SHOC1: variants seen among roughly 807,000 people sequenced by gnomAD.
The protein encoded by SHOC1 is shortage in chiasmata 1.
Under a neutral mutation model 179.2 loss-of-function variants are expected in SHOC1, and 136 were observed. The observed-to-expected ratio is 0.76, with a 90% CI of 0.66 to 0.87. The LOEUF is 0.87. Among genes scored for constraint, SHOC1 ranks in the 40% least tolerant of loss-of-function variants. SHOC1 has a pLI of 0.00. For synonymous variants in SHOC1, 489 were observed against 586.6 expected (o/e 0.83, Z 2.41); for missense variants, 1,538 against 1,700.8 (o/e 0.90, Z 1.68).
intron 10 of SHOC1, among the ~76,000 whole-genome samples, chr9:111,745,383 C>G (rs1024952437): frequency 2.6e-5 from 4 of 152,190 alleles, no homozygotes; most frequent in African/African-American, 7.2e-5. Flanking sequence ...CAATCTGGCT[C>G]TAGTTCAGAG....
At chr9:111,757,523 A>G (rs1834922752) in intron 7 of SHOC1, among the ~76,000 whole-genome samples, 1 of 152,334 alleles carries the variant, frequency 6.6e-6, no homozygotes, top group Non-Finnish European at 1.5e-5. Context: ...TTACATACTG[A>G]TATTATGACC....
At chr9:111,706,545 A>AT (rs1832284059) in intron 20 of SHOC1, 23 bp downstream of exon 20, 1 of 1,455,718 alleles carries the variant, frequency 6.9e-7, no homozygotes. Context: ...AAGCAAAAAA[A>AT]GGATTTTGGC....
rs1264785187 is a variant in SHOC1 at position 111,731,716 on chromosome 9, A to G, written c.1418-3667T>C. ...TGTGACAGAGACACAAAGTGAGCACATGTTCTTCAAATATCCATATAATGT... is the reference window on the plus strand; with the variant it reads ...TGTGACAGAGACACAAAGTGAGCACGTGTTCTTCAAATATCCATATAATGT... On this transcript the variant is annotated intron_variant, in intron 12 of 27. Transcript: ENST00000682961. 2.6e-5 allele frequency among the ~76,000 whole-genome samples: 4 copies of G among 152,190 alleles called. No individual in the cohort carries two copies. In the East Asian group the frequency reaches 5.8e-4, roughly 22 times the overall value.
intron 5 of SHOC1, among the ~76,000 whole-genome samples, chr9:111,765,590 A>AAAAAC (rs965244863): frequency 6.6e-5 from 10 of 152,216 alleles, no homozygotes; most frequent in Admixed American, 2.0e-4. Flanking sequence ...ACTCTGACTC[A>AAAAAC]AAAACAAAAC....
chr9:111,763,121 A>G (rs1175865839), intron 5 of SHOC1, among the ~76,000 whole-genome samples: 1 of 151,908 alleles, frequency 6.6e-6, no homozygotes, highest in African/African-American at 2.4e-5. Flanking sequence ...CTATTTCTGA[A>G]GAAAATAAAA....
intron 5 of SHOC1, among the ~76,000 whole-genome samples, chr9:111,764,943 C>T (rs529616134): frequency 6.6e-6 from 1 of 151,972 alleles, no homozygotes; most frequent in African/African-American, 2.4e-5. Context: ...GAGTTCGAGA[C>T]CAGCCAGGCC....
At position 111,686,652 on chromosome 9, in the gene SHOC1, T is replaced by C. The variant is rs1423939986; in HGVS notation, c.*118A>G. ...TTATGAATATTTAATACAGAAATAC[T>C]GAGACATATATGAACAATTGTGTTT... On this transcript the variant is annotated 3_prime_UTR_variant, in exon 28 of 28. Transcript: ENST00000682961. 2.2e-5 allele frequency: 14 copies of C among 649,406 alleles called. No individual in the cohort carries two copies. The highest frequency in any genetic ancestry group is 1.8e-5 in the African/African-American group (1 of 54,084). 40.2% of individuals were successfully genotyped at this position (649,406 alleles called of 1,614,324 possible).
intron 5 of SHOC1, among the ~76,000 whole-genome samples, chr9:111,774,324 G>T (rs1353964531): frequency 6.6e-6 from 1 of 151,814 alleles, no homozygotes; most frequent in Non-Finnish European, 1.5e-5. Context: ...CTCCAGACAG[G>T]GTCTCACTCT....
At chr9:111,706,471 TA>T in intron 20 of SHOC1, 96 bp downstream of exon 20, 1 of 912,752 alleles carries the variant, frequency 1.1e-6, no homozygotes, top group Non-Finnish European at 1.5e-6. Context: ...TCAAGGCTTC[TA>T]ATGTCACAGC....
chr9:111,752,697 G>A (rs1228472432), intron 8 of SHOC1, among the ~76,000 whole-genome samples: 1 of 152,128 alleles, frequency 6.6e-6, no homozygotes, highest in Non-Finnish European at 1.5e-5. Flanking sequence ...GCTAAAAGAT[G>A]TAAAGAAAAA....
rs1320492907 is a variant in SHOC1, at chr9:111,727,966, T to C, written c.1501A>G (p.Lys501Glu). The change falls in exon 13 of 28, where the codon AAG (lysine) becomes GAG (glutamate). Residue 501 changes from lysine to glutamate, a missense_variant. By Grantham distance (56) the Lys-to-Glu change is moderately conservative (BLOSUM62 1). Transcript: ENST00000682961. ...STNAHLSLPQ[K>E]SPSLAKEVPD... is the part of the protein sequence containing the mutation. Reference sequence around the variant, plus strand: ...ACTTCTTTTGCCAGAGATGGACTCTTTTGTGGAAGTGATAAATGAGCATTT... The same window carrying C: ...ACTTCTTTTGCCAGAGATGGACTCTCTTGTGGAAGTGATAAATGAGCATTT... 1 of 1,612,306 alleles carries C rather than the reference T, an allele frequency of 6.2e-7. No homozygotes were observed. The highest frequency in any genetic ancestry group is 1.1e-5 in the South Asian group (1 of 90,570).
chr9:111,779,413 C>T (rs989705951), intron 4 of SHOC1, among the ~76,000 whole-genome samples: 1 of 152,024 alleles, frequency 6.6e-6, no homozygotes, highest in Non-Finnish European at 1.5e-5. Context: ...GATCTTTTTT[C>T]ACCTTATGAA....
At chr9:111,765,483 G>A (rs1357056076) in intron 5 of SHOC1, among the ~76,000 whole-genome samples, 2 of 151,764 alleles carry the variant, frequency 1.3e-5, no homozygotes, top group African/African-American at 4.8e-5. Context: ...CCAGCTACTC[G>A]GGAGGCTGAG....
chr9:111,721,340 T>G (rs73543303), intron 15 of SHOC1, among the ~76,000 whole-genome samples: 2,960 of 152,252 alleles, frequency 0.019, 89 homozygotes, highest in African/African-American at 0.068. Context: ...TTTGTTTGTT[T>G]GTTTTTGTTT....
At chr9:111,746,102 A>T (rs1834264286) in intron 10 of SHOC1, 132 bp downstream of exon 10, 1 of 496,306 alleles carries the variant, frequency 2.0e-6, no homozygotes, top group Admixed American at 3.2e-5. Context: ...TTAGTTACTT[A>T]TTACAGACAC....
intron 27 of SHOC1, 32 bp downstream of exon 27, chr9:111,691,519 G>T: frequency 6.6e-7 from 1 of 1,516,256 alleles, no homozygotes. Flanking sequence ...TTAAATTTGA[G>T]AGTAGTTTTA....
In SHOC1 at chr9:111,692,462, G is replaced by T. The variant is rs568747748; in HGVS notation, c.3515C>A (p.Thr1172Lys). 5.6e-6 allele frequency: 9 copies of T among 1,603,810 alleles called. No individual in the cohort carries two copies. In the African/African-American group the frequency reaches 1.2e-4, roughly 22 times the overall value. Residue 1172 changes from threonine (T) to lysine (K), a missense_variant, in exon 27 of 28, where the codon ACA becomes AAA. Coordinates refer to ENST00000682961, the MANE Select transcript of SHOC1 (RefSeq NM_001378211.1). ...AGGTGACGAAATTTGCGGTGATTTT[G>T]TTATGGAAGAAGAACCAATCTTGAA... ...SLFKIGSSSI[T>K]KSPQISSPQE...
Position 111,758,695 on chromosome 9 carries a change from C to G in SHOC1, c.596G>C (p.Arg199Thr). 6.4e-7 allele frequency: 1 copy of G among 1,571,244 alleles called. No homozygotes were observed. The highest frequency in any genetic ancestry group is 8.6e-7 in the Non-Finnish European group (1 of 1,166,892). The change falls in exon 6 of 28, where the codon AGG becomes ACG. Residue 199 changes from arginine to threonine, a missense_variant and splice_region_variant. By Grantham distance (71) the Arg-to-Thr change is moderately conservative. Transcript: ENST00000682961. ...CAGCATTGGTCAATTAAGTAAGTAC[C>G]TGGAAAAATTAGCTTCTGTGAAGAT... ...GQIFTEANFS[R>T]ECFSLQETLE...
chr9:111,747,427 T>G (rs911856428), intron 9 of SHOC1, among the ~76,000 whole-genome samples: 1 of 152,158 alleles, frequency 6.6e-6, no homozygotes. Flanking sequence ...TTAAAAAAAA[T>G]GTGACAGTGG....
Sources: gnomAD v4.1 joint callset for allele counts (sites outside exome capture counted in the v4.1 genomes callset) on GRCh38, gnomAD v4.1.1 for gene constraint, MANE v1.5 for transcripts, NCBI Gene and HGNC (gene_info 2026-07-23, HGNC 2026-07-21) for gene names.